Variants in CADPS2 observed in about 807,000 individuals in gnomAD.
CADPS2 encodes the protein calcium dependent secretion activator 2.
In CADPS2, 93 loss-of-function variants were observed where a neutral mutation model predicts 172.5. That is an observed-to-expected ratio of 0.54 (90% CI 0.46 to 0.64). The LOEUF (loss-of-function observed/expected upper bound fraction) is 0.64. Among genes scored for constraint, CADPS2 ranks in the 30% least tolerant of loss-of-function variants. The pLI, the probability that CADPS2 is intolerant of heterozygous loss-of-function variation, is 0.00. For missense variants in CADPS2, 1,420 were observed against 1,565.9 expected, an observed-to-expected ratio of 0.91 and a Z score of 1.57; for synonymous variants, 546 against 555.2, an observed-to-expected ratio of 0.98 and a Z score of 0.23.
chr7:122,333,486 G>A (rs10267574), intron 28 of CADPS2, among the ~76,000 whole-genome samples: 2,639 of 152,268 alleles, frequency 0.017, 75 homozygotes, highest in African/African-American at 0.06. Flanking sequence ...TGACCCACCT[G>A]CAGCTCTGCC....
At chr7:122,363,684 C>T (rs1452064274) in intron 25 of CADPS2, among the ~76,000 whole-genome samples, 4 of 151,940 alleles carry the variant, frequency 2.6e-5, no homozygotes, top group African/African-American at 4.8e-5. Context: ...CAAGAATGGT[C>T]TGAAGATCAG....
chr7:122,592,988 GAATAAATAAATAAATAAATA>G (rs141800604), intron 6 of CADPS2, among the ~76,000 whole-genome samples: 1 of 148,144 alleles, frequency 6.8e-6, no homozygotes, highest in African/African-American at 2.5e-5. Context: ...GAAGTAAAAT[GAATAAATAAATAAATAAATA>G]AATAAATAAA....
chr7:122,407,115 G>A (rs2046746668), intron 20 of CADPS2, among the ~76,000 whole-genome samples: 1 of 152,058 alleles, frequency 6.6e-6, no homozygotes, highest in South Asian at 2.1e-4. Context: ...CCAACTCTCA[G>A]GCCAGCAATA....
At chr7:122,338,113 T>C (rs571479142) in intron 28 of CADPS2, among the ~76,000 whole-genome samples, 1 of 152,192 alleles carries the variant, frequency 6.6e-6, no homozygotes, top group Non-Finnish European at 1.5e-5. Context: ...ATAAATTGCC[T>C]CAGCTGGGTA....
chr7:122,574,685 A>G (rs1783852280), intron 7 of CADPS2, among the ~76,000 whole-genome samples: 3 of 151,974 alleles, frequency 2.0e-5, no homozygotes, highest in Admixed American at 2.0e-4. Context: ...TTTTTAAAAA[A>G]GGAAAAGGAA....
chr7:122,647,607 T>G (rs2078701788), intron 3 of CADPS2, among the ~76,000 whole-genome samples: 1 of 152,204 alleles, frequency 6.6e-6, no homozygotes, highest in South Asian at 2.1e-4. Flanking sequence ...AGCATTTAAC[T>G]TTTTTCTAGT....
intron 1 of CADPS2, among the ~76,000 whole-genome samples, chr7:122,743,671 T>C (rs1385047909): frequency 2.0e-5 from 3 of 152,190 alleles, no homozygotes; most frequent in East Asian, 1.9e-4. Context: ...GTCTTTACTC[T>C]AGGCACAGAT....
intron 6 of CADPS2, among the ~76,000 whole-genome samples, chr7:122,600,514 C>T (rs980485312): frequency 2.0e-5 from 3 of 152,094 alleles, no homozygotes; most frequent in African/African-American, 7.2e-5. Flanking sequence ...ATTAAGTCCA[C>T]AAACTTGCTC....
At chr7:122,820,744 A>G (rs1451984108) in intron 1 of CADPS2, among the ~76,000 whole-genome samples, 1 of 133,460 alleles carries the variant, frequency 7.5e-6, no homozygotes, top group African/African-American at 2.9e-5. Context: ...TATTTTTAGT[A>G]GAGACGGGGT....
At chr7:122,847,714 T>G (rs556567099) in intron 1 of CADPS2, among the ~76,000 whole-genome samples, 1 of 152,196 alleles carries the variant, frequency 6.6e-6, no homozygotes, top group Non-Finnish European at 1.5e-5. Flanking sequence ...TTCTAGAACA[T>G]TGTGAAGATT....
intron 1 of CADPS2, among the ~76,000 whole-genome samples, chr7:122,747,036 A>G (rs758120882): frequency 6.6e-6 from 1 of 152,130 alleles, no homozygotes; most frequent in Non-Finnish European, 1.5e-5. Context: ...CCCACTAACA[A>G]TGTAACCTCA....
At chr7:122,407,820 AAT>A in intron 19 of CADPS2, 124 bp from the exon 20 acceptor site, 2 of 952,182 alleles carry the variant, frequency 2.1e-6, no homozygotes, top group Non-Finnish European at 3.2e-6. Flanking sequence ...TGATAAACAA[AAT>A]ATAATAGTTT....
intron 17 of CADPS2, among the ~76,000 whole-genome samples, chr7:122,428,471 A>ATATT (rs1378275496): frequency 1.7e-5 from 2 of 117,086 alleles, no homozygotes; most frequent in African/African-American, 7.7e-5. Context: ...ATATATATAT[A>ATATT]TTTTTTTTTT....
At chr7:122,679,335 C>T (rs540538116) in intron 2 of CADPS2, among the ~76,000 whole-genome samples, 1 of 129,072 alleles carries the variant, frequency 7.7e-6, no homozygotes, top group South Asian at 2.6e-4. Context: ...AGGAATGAAA[C>T]ATGCCCTACT....
intron 2 of CADPS2, among the ~76,000 whole-genome samples, chr7:122,691,220 A>C (rs2084315550): frequency 6.6e-6 from 1 of 152,188 alleles, no homozygotes; most frequent in African/African-American, 2.4e-5. Context: ...CCACACTCTT[A>C]TGAGCCTGAT....
At chr7:122,872,733 C>T (rs1820104446) in intron 1 of CADPS2, among the ~76,000 whole-genome samples, 2 of 152,058 alleles carry the variant, frequency 1.3e-5, no homozygotes, top group African/African-American at 2.4e-5. Context: ...ATATGTTAAA[C>T]TAGTAAGAAT....
At chr7:122,567,443 A>G (rs2066613370) in intron 7 of CADPS2, among the ~76,000 whole-genome samples, 1 of 152,218 alleles carries the variant, frequency 6.6e-6, no homozygotes, top group African/African-American at 2.4e-5. Flanking sequence ...GCACACATGC[A>G]GGACACCCCT....
At chr7:122,379,583 T>A in intron 24 of CADPS2, 141 bp from the exon 25 acceptor site, 1 of 642,062 alleles carries the variant, frequency 1.6e-6, no homozygotes, top group Non-Finnish European at 2.8e-6. Flanking sequence ...GAACAAAACC[T>A]TGAAAATGAT....
In CADPS2 at chr7:122,864,347, G is replaced by A. The variant is rs1359039948; in HGVS notation, c.339+21652C>T. 2.0e-5 allele frequency among the ~76,000 whole-genome samples: 3 copies of A among 152,106 alleles called. No individual in the cohort carries two copies. The East Asian group carries it at 5.8e-4, about 29-fold the overall frequency. ...AAAATAAAATTAGCCAGGGGTGGTGGCATGTGCCCATGGTTCCAGCTACTT... is the reference window on the plus strand; with the variant it reads ...AAAATAAAATTAGCCAGGGGTGGTGACATGTGCCCATGGTTCCAGCTACTT... On this transcript the variant is annotated intron_variant, in intron 1 of 29. Transcript: ENST00000449022.
Sources: gnomAD v4.1 joint callset for allele counts (sites outside exome capture counted in the v4.1 genomes callset) on GRCh38, gnomAD v4.1.1 for gene constraint, MANE v1.5 for transcripts, NCBI Gene and HGNC (gene_info 2026-07-23, HGNC 2026-07-21) for gene names.